DGKI: variants seen among roughly 807,000 people sequenced by gnomAD.
DGKI encodes the protein DAG kinase iota.
Under a neutral mutation model 147.5 loss-of-function variants are expected in DGKI, and 55 were observed. The observed-to-expected ratio is 0.37, with a 90% CI of 0.30 to 0.47. The LOEUF is 0.47. Among genes scored for constraint, DGKI ranks in the 20% least tolerant of loss-of-function variants. The probability of loss-of-function intolerance (pLI) is 1.00; values close to 1 mark genes in which losing one functional copy is unlikely to be tolerated. For synonymous variants in DGKI, 469 were observed against 477.1 expected (o/e 0.98, Z 0.22); for missense variants, 1,007 against 1,323.8 (o/e 0.76, Z 3.71).
At chr7:137,402,749 A>G (rs376997913) in intron 30 of DGKI, among the ~76,000 whole-genome samples, 12 of 152,256 alleles carry the variant, frequency 7.9e-5, no homozygotes, top group African/African-American at 2.6e-4. Flanking sequence ...ACAGGACAAA[A>G]GCTGCACAGA....
chr7:137,503,949 A>G (rs1380595691), intron 21 of DGKI, among the ~76,000 whole-genome samples: 1 of 152,186 alleles, frequency 6.6e-6, no homozygotes, highest in Non-Finnish European at 1.5e-5. Context: ...AGAACATTTT[A>G]TAGCAGATAA....
At chr7:137,424,243 T>C (rs1167962338) in intron 28 of DGKI, among the ~76,000 whole-genome samples, 4 of 152,334 alleles carry the variant, frequency 2.6e-5, no homozygotes, top group Non-Finnish European at 5.9e-5. Context: ...ACATAAAACA[T>C]TAATTTGAAA....
intron 30 of DGKI, among the ~76,000 whole-genome samples, chr7:137,407,398 C>A (rs754559053): frequency 6.6e-6 from 1 of 151,762 alleles, no homozygotes; most frequent in African/African-American, 2.4e-5. Flanking sequence ...GAGAATAAAG[C>A]GTAACTTGGG....
chr7:137,418,310 A>G (rs1236288834), intron 28 of DGKI, among the ~76,000 whole-genome samples: 1 of 152,194 alleles, frequency 6.6e-6, no homozygotes, highest in East Asian at 1.9e-4. Flanking sequence ...AGCTCAAGGT[A>G]CAGAGAACCT....
intron 18 of DGKI, 34 bp downstream of exon 18, chr7:137,572,731 G>T: frequency 6.8e-7 from 1 of 1,473,248 alleles, no homozygotes; most frequent in Non-Finnish European, 9.3e-7. Context: ...CAGAGTTCAC[G>T]TCAAACCAAG....
chr7:137,746,076 G>A (rs377483367), intron 1 of DGKI, among the ~76,000 whole-genome samples: 32 of 152,300 alleles, frequency 2.1e-4, no homozygotes, highest in Middle Eastern at 6.8e-3. Flanking sequence ...TCTATTTAAC[G>A]ATGGAATTGG....
At chr7:137,489,643 G>T (rs1164550374) in intron 21 of DGKI, among the ~76,000 whole-genome samples, 1 of 152,060 alleles carries the variant, frequency 6.6e-6, no homozygotes, top group Non-Finnish European at 1.5e-5. Flanking sequence ...ATGAGGAAAA[G>T]TTGGAATTTT....
intron 21 of DGKI, among the ~76,000 whole-genome samples, chr7:137,503,083 T>G (rs952104813): frequency 6.6e-6 from 1 of 152,152 alleles, no homozygotes; most frequent in African/African-American, 2.4e-5. Flanking sequence ...GTGGTCATTT[T>G]TAAAGGCTCC....
chr7:137,556,187 T>G (rs1818217297), intron 19 of DGKI, among the ~76,000 whole-genome samples: 1 of 151,728 alleles, frequency 6.6e-6, no homozygotes, highest in Non-Finnish European at 1.5e-5. Context: ...AAAAATGAAT[T>G]TCATAGAAAA....
At chr7:137,543,324 T>C (rs1216981375) in intron 20 of DGKI, among the ~76,000 whole-genome samples, 2 of 152,244 alleles carry the variant, frequency 1.3e-5, no homozygotes, top group African/African-American at 4.8e-5. Context: ...TGTTTTGTCC[T>C]ATTGGATGAG....
intron 1 of DGKI, among the ~76,000 whole-genome samples, chr7:137,824,354 T>C (rs1033914339): frequency 5.9e-5 from 9 of 151,966 alleles, no homozygotes; most frequent in South Asian, 2.1e-4. Flanking sequence ...CCGTCTCTAC[T>C]AAAAATACAA....
chr7:137,557,722 C>T (rs998277064), intron 19 of DGKI, among the ~76,000 whole-genome samples: 1 of 152,146 alleles, frequency 6.6e-6, no homozygotes, highest in African/African-American at 2.4e-5. Flanking sequence ...GCGAACCTGT[C>T]CCTGTGGCTC....
chr7:137,458,091 A>G (rs1814275324), intron 27 of DGKI, among the ~76,000 whole-genome samples: 1 of 152,210 alleles, frequency 6.6e-6, no homozygotes, highest in Non-Finnish European at 1.5e-5. Context: ...GTATATCTTC[A>G]GTGCCTGACT....
At chr7:137,570,289 C>T (rs1818749149) in intron 19 of DGKI, among the ~76,000 whole-genome samples, 1 of 152,098 alleles carries the variant, frequency 6.6e-6, no homozygotes, top group Non-Finnish European at 1.5e-5. Flanking sequence ...GAATGCATGG[C>T]TAAAACCTGT....
intron 6 of DGKI, among the ~76,000 whole-genome samples, chr7:137,639,848 C>A (rs999562135): frequency 2.6e-5 from 4 of 152,052 alleles, no homozygotes; most frequent in Non-Finnish European, 4.4e-5. Flanking sequence ...AAAAAAAATT[C>A]TTTGGGGGTA....
At position 137,725,334 on chromosome 7, in the gene DGKI, C is replaced by G. The variant is rs543713111; in HGVS notation, c.402-35332G>C. 8.5e-5 allele frequency among the ~76,000 whole-genome samples: 13 copies of G among 152,266 alleles called. No homozygotes were observed. The South Asian group carries it at 2.3e-3, about 27-fold the overall frequency. ...AAATATATTCTTCTGGGCAGAGATA[C>G]ACCTGGGACCGCCTTGACAAAGGGT... On this transcript the variant is annotated intron_variant, in intron 1 of 32. Coordinates refer to ENST00000614521, the MANE Select transcript of DGKI (RefSeq NM_001321708.2).
rs1814324397 is a variant in DGKI at position 137,459,266 on chromosome 7, T to A, written c.2735+4223A>T. On this transcript the variant is annotated intron_variant, in intron 27 of 32. Transcript: ENST00000614521. The stretch of plus-strand genomic sequence containing the variant: ...TTTAAATTTTAAAACCATGGGAAAA[T>A]GCTGAGAAGATCCAACAGAGCCGGG... Among the ~76,000 whole-genome samples, 3 of 151,862 alleles carry A rather than the reference T, an allele frequency of 2.0e-5. No individual in the cohort carries two copies. The South Asian group carries it at 6.2e-4, about 32-fold the overall frequency.
intron 28 of DGKI, among the ~76,000 whole-genome samples, chr7:137,433,152 T>C: frequency 6.6e-6 from 1 of 152,220 alleles, no homozygotes. Context: ...GTGAATATTT[T>C]AACAGCTTTA....
At chr7:137,598,694 T>A (rs1293171529) in intron 11 of DGKI, among the ~76,000 whole-genome samples, 1 of 152,186 alleles carries the variant, frequency 6.6e-6, no homozygotes, top group Admixed American at 6.6e-5. Context: ...AATATGGTTT[T>A]TTTCTGAAAA....
Sources: gnomAD v4.1 joint callset for allele counts (sites outside exome capture counted in the v4.1 genomes callset) on GRCh38, gnomAD v4.1.1 for gene constraint, MANE v1.5 for transcripts, NCBI Gene and HGNC (gene_info 2026-07-23, HGNC 2026-07-21) for gene names.